Variants in ARHGEF33 observed in about 807,000 individuals in gnomAD.
The protein encoded by ARHGEF33 is Rho guanine nucleotide exchange factor 33, also known as DH and coiled-coil domain-containing protein ENSP00000381780.
A neutral mutation model predicts 101.9 loss-of-function variants in ARHGEF33; 72 were observed. The ratio of observed to expected loss-of-function variants is 0.71; its 90% CI spans 0.58 to 0.86. ARHGEF33 has a LOEUF of 0.86. Among genes scored for constraint, ARHGEF33 ranks in the 40% least tolerant of loss-of-function variants. ARHGEF33 has a pLI of 0.00. For synonymous variants in ARHGEF33, 499 were observed against 442.5 expected (o/e 1.13, Z -1.60); for missense variants, 1,169 against 1,111.3 (o/e 1.05, Z -0.74).
intron 2 of ARHGEF33, among the ~76,000 whole-genome samples, chr2:38,917,644 C>T (rs1419779069): frequency 1.3e-5 from 2 of 151,422 alleles, no homozygotes; most frequent in African/African-American, 4.9e-5. Context: ...GCCTCAGTAA[C>T]ATAGTGAGAC....
intron 2 of ARHGEF33, 22 bp downstream of exon 2, chr2:38,895,871 C>T (rs916697430): frequency 6.6e-6 from 1 of 151,624 alleles, no homozygotes; most frequent in Non-Finnish European, 1.5e-5. Context: ...TTGCAAAGAA[C>T]TGTTTTCTAA....
intron 2 of ARHGEF33, among the ~76,000 whole-genome samples, chr2:38,917,783 A>G (rs577599517): frequency 7.8e-4 from 118 of 151,606 alleles, no homozygotes; most frequent in African/African-American, 2.7e-3. Flanking sequence ...GAGCCATCAT[A>G]AGGCCACTGC....
At chr2:38,923,402 T>C (rs966430488) in intron 4 of ARHGEF33, among the ~76,000 whole-genome samples, 1 of 152,170 alleles carries the variant, frequency 6.6e-6, no homozygotes, top group Admixed American at 6.6e-5. Flanking sequence ...AAATCTATAC[T>C]AGAAGGGAGG....
chr2:38,901,912 G>A (rs911723335), intron 2 of ARHGEF33, among the ~76,000 whole-genome samples: 1 of 152,088 alleles, frequency 6.6e-6, no homozygotes, highest in Non-Finnish European at 1.5e-5. Context: ...TCAGGAGATC[G>A]AGACCATCCT....
intron 11 of ARHGEF33, among the ~76,000 whole-genome samples, chr2:38,952,322 T>G (rs1169999458): frequency 6.6e-6 from 1 of 152,252 alleles, no homozygotes; most frequent in Non-Finnish European, 1.5e-5. Context: ...GTGTTCAGTA[T>G]GCTTCCTTTA....
intron 4 of ARHGEF33, among the ~76,000 whole-genome samples, chr2:38,921,721 T>G (rs1666762115): frequency 1.3e-5 from 2 of 152,294 alleles, no homozygotes; most frequent in South Asian, 4.1e-4. Flanking sequence ...CCACTGTGCC[T>G]GGCTGAGAAC....
At chr2:38,910,485 G>C (rs895975103) in intron 2 of ARHGEF33, among the ~76,000 whole-genome samples, 3 of 152,138 alleles carry the variant, frequency 2.0e-5, no homozygotes, top group African/African-American at 7.2e-5. Flanking sequence ...AGGCAGAATT[G>C]CTTGAACCCG....
intron 7 of ARHGEF33, among the ~76,000 whole-genome samples, chr2:38,932,448 T>A (rs1437152669): frequency 2.0e-5 from 3 of 151,992 alleles, no homozygotes; most frequent in Admixed American, 6.6e-5. Context: ...TTTTATTTTT[T>A]TTTTACCTAT....
At chr2:38,897,847 G>A (rs553227397) in intron 2 of ARHGEF33, among the ~76,000 whole-genome samples, 1 of 152,314 alleles carries the variant, frequency 6.6e-6, no homozygotes, top group South Asian at 2.1e-4. Context: ...AGCTAGCCTG[G>A]TGCAGGGGAA....
chr2:38,902,064 G>A (rs572657119), intron 2 of ARHGEF33, among the ~76,000 whole-genome samples: 27 of 150,748 alleles, frequency 1.8e-4, no homozygotes, highest in Non-Finnish European at 2.8e-4. Flanking sequence ...GCAGTGAGCC[G>A]AGATCGCGCC....
chr2:38,913,854 C>T (rs1179291888), intron 2 of ARHGEF33, among the ~76,000 whole-genome samples: 1 of 150,792 alleles, frequency 6.6e-6, no homozygotes, highest in African/African-American at 2.4e-5. Flanking sequence ...AAAAATATTG[C>T]ATATAACAAA....
intron 8 of ARHGEF33, 83 bp from the exon 9 acceptor site, chr2:38,937,252 C>T (rs1038337433): frequency 2.4e-5 from 17 of 712,550 alleles, no homozygotes; most frequent in Admixed American, 9.5e-5. Flanking sequence ...CCTCGGCCTC[C>T]GAAAGTGGTA....
At chr2:38,897,474 C>T (rs1485864717) in intron 2 of ARHGEF33, among the ~76,000 whole-genome samples, 1 of 152,200 alleles carries the variant, frequency 6.6e-6, no homozygotes, top group Non-Finnish European at 1.5e-5. Context: ...CTAGAACTCA[C>T]TCTCTGTTTC....
chr2:38,966,863 C>T (rs1668062860), intron 17 of ARHGEF33, among the ~76,000 whole-genome samples: 1 of 152,190 alleles, frequency 6.6e-6, no homozygotes, highest in South Asian at 2.1e-4. Flanking sequence ...TGAGCATTAG[C>T]ATTTGACTGT....
intron 9 of ARHGEF33, among the ~76,000 whole-genome samples, chr2:38,941,080 C>T (rs1667295899): frequency 6.6e-6 from 1 of 152,154 alleles, no homozygotes; most frequent in South Asian, 2.1e-4. Context: ...CTTGCCACCT[C>T]CAGAACAATG....
At chr2:38,911,496 G>C (rs554825209) in intron 2 of ARHGEF33, among the ~76,000 whole-genome samples, 1 of 152,172 alleles carries the variant, frequency 6.6e-6, no homozygotes, top group African/African-American at 2.4e-5. Flanking sequence ...TCTTATGTGT[G>C]TATATGGGGA....
In ARHGEF33 at chr2:38,937,527, T is replaced by C. The variant is rs1228473191; in HGVS notation, c.758T>C (p.Leu253Ser). The change falls in exon 9 of 18, where the codon TTG (leucine) becomes TCG (serine). Residue 253 changes from leucine (L) to serine (S), a missense_variant. Leu to Ser is a moderately radical substitution (Grantham distance 145). Coordinates refer to ENST00000409978, the MANE Select transcript of ARHGEF33 (RefSeq NM_001145451.5). ...GCTGGCCAGGGTAGACACAGCTCCT[T>C]GGAAAACGTTTTATGTGAAACCTCC... ...KEAGQGRHSS[L>S]ENVLCETSLA... The C allele has an allele frequency of 1.3e-6, 2 of 1,549,026 alleles. No homozygotes were observed. The highest frequency in any genetic ancestry group is 2.7e-5 in the African/African-American group (2 of 72,898).
In ARHGEF33 at chr2:38,958,566, C is replaced by T. The variant is rs182057128; in HGVS notation, c.1535+368C>T. On this transcript the variant is annotated intron_variant, in intron 15 of 17. Coordinates refer to ENST00000409978, the MANE Select transcript of ARHGEF33 (RefSeq NM_001145451.5). ...TGCACTCTGCGTATGGAAAATAAAACCCCCAATCTTTCTTCCAAGTTAAAA... is the reference window on the plus strand; with the variant it reads ...TGCACTCTGCGTATGGAAAATAAAATCCCCAATCTTTCTTCCAAGTTAAAA... Among the ~76,000 whole-genome samples the T allele has an allele frequency of 3.0e-4, 46 of 152,292 alleles. 1 individual carries two copies. The highest frequency in any genetic ancestry group is 9.4e-4 in the African/African-American group (39 of 41,568).
At chr2:38,956,154 A>AG (rs1667747124) in intron 13 of ARHGEF33, among the ~76,000 whole-genome samples, 1 of 152,208 alleles carries the variant, frequency 6.6e-6, no homozygotes, top group African/African-American at 2.4e-5. Context: ...GGTAAAAAAA[A>AG]CTAGGACTGA....
Sources: gnomAD v4.1 joint callset for allele counts (sites outside exome capture counted in the v4.1 genomes callset) on GRCh38, gnomAD v4.1.1 for gene constraint, MANE v1.5 for transcripts, NCBI Gene and HGNC (gene_info 2026-07-23, HGNC 2026-07-21) for gene names.